The following RARB variants were observed in gnomAD, a reference collection of about 807,000 sequenced individuals.
The protein encoded by RARB is retinoic acid receptor beta, also known as HBV-activated protein.
Under a neutral mutation model 51.9 loss-of-function variants are expected in RARB, and 17 were observed. That is an observed-to-expected ratio of 0.33 (90% CI 0.22 to 0.49). The LOEUF (loss-of-function observed/expected upper bound fraction) is 0.49. RARB is among the 20% of genes least tolerant of loss of function. The pLI, the probability that RARB is intolerant of heterozygous loss-of-function variation, is 0.99. For missense variants in RARB, 369 were observed against 550.8 expected, an observed-to-expected ratio of 0.67 and a Z score of 3.30; for synonymous variants, 215 against 195.4, an observed-to-expected ratio of 1.10 and a Z score of -0.84.
At chr3:25,562,415 T>TG (rs1168581881) in intron 3 of RARB, among the ~76,000 whole-genome samples, 1 of 152,170 alleles carries the variant, frequency 6.6e-6, no homozygotes, top group Non-Finnish European at 1.5e-5. Context: ...TTATTCATAT[T>TG]GGGTAGCTCT....
At chr3:25,450,465 C>G (rs1357985191) in intron 1 of RARB, among the ~76,000 whole-genome samples, 3 of 152,134 alleles carry the variant, frequency 2.0e-5, no homozygotes, top group Non-Finnish European at 2.9e-5. Context: ...GAACTGAGCT[C>G]ATACCATCTG....
intron 5 of RARB, among the ~76,000 whole-genome samples, chr3:25,337,754 T>C (rs1316584301): frequency 3.3e-5 from 5 of 152,156 alleles, no homozygotes; most frequent in Non-Finnish European, 5.9e-5. Flanking sequence ...GCAGCACTAT[T>C]ACCTGAAATT....
intron 5 of RARB, among the ~76,000 whole-genome samples, chr3:25,375,287 G>C (rs1706425948): frequency 6.6e-6 from 1 of 152,144 alleles, no homozygotes; most frequent in South Asian, 2.1e-4. Context: ...CTACCACCCT[G>C]TCACTAGGGC....
At chr3:24,855,611 G>A (rs1702620427) in intron 1 of RARB, among the ~76,000 whole-genome samples, 1 of 152,016 alleles carries the variant, frequency 6.6e-6, no homozygotes, top group Non-Finnish European at 1.5e-5. Flanking sequence ...CCAGCACTTA[G>A]CACATTACAT....
intron 2 of RARB, among the ~76,000 whole-genome samples, chr3:24,941,094 T>C (rs1232798079): frequency 1.3e-5 from 2 of 152,130 alleles, no homozygotes; most frequent in African/African-American, 4.8e-5. Flanking sequence ...GCTGATACTT[T>C]AATTTAGAAT....
intron 5 of RARB, among the ~76,000 whole-genome samples, chr3:25,322,632 T>A (rs1228333098): frequency 6.6e-6 from 1 of 152,224 alleles, no homozygotes; most frequent in African/African-American, 2.4e-5. Flanking sequence ...TTTATAATCA[T>A]ATTTTTATAA....
intron 3 of RARB, among the ~76,000 whole-genome samples, chr3:25,125,554 G>A (rs1553635274): frequency 6.6e-6 from 1 of 152,158 alleles, no homozygotes; most frequent in Non-Finnish European, 1.5e-5. Flanking sequence ...TGAGGAGGAG[G>A]CATTTAAACA....
rs1385797393 is a variant in RARB at position 25,339,596 on chromosome 3, T to A, written c.179-121597T>A. Among the ~76,000 whole-genome samples, 10 of 150,772 alleles carry A rather than the reference T, an allele frequency of 6.6e-5. No homozygotes were observed. The South Asian group carries it at 1.3e-3, about 19-fold the overall frequency. ...TTCAGCTGAAGTTTTTTTTTTTTTT[T>A]AATCACACTGTTTGCCTAATTTGAG... On this transcript the variant is annotated intron_variant, in intron 5 of 11. Coordinates refer to the RARB transcript ENST00000383772.
chr3:25,004,106 A>G (rs886689626), intron 2 of RARB, among the ~76,000 whole-genome samples: 1 of 151,984 alleles, frequency 6.6e-6, no homozygotes, highest in Non-Finnish European at 1.5e-5. Context: ...AGTTTTCTCT[A>G]CCCTATTGTG....
intron 1 of RARB, among the ~76,000 whole-genome samples, chr3:25,459,694 A>G (rs77158814): frequency 0.041 from 6,288 of 152,278 alleles, 204 homozygotes; most frequent in East Asian, 0.15. Context: ...TTTAGTGGGT[A>G]GAGTTGACCT....
At chr3:25,324,442 G>C (rs564510558) in intron 5 of RARB, 1 of 157,686 alleles carries the variant, frequency 6.3e-6, no homozygotes, top group East Asian at 1.9e-4. Context: ...AGACAAAGGA[G>C]AGCAAGGAGG....
At chr3:25,406,866 T>A (rs1220890097) in intron 5 of RARB, among the ~76,000 whole-genome samples, 1 of 152,148 alleles carries the variant, frequency 6.6e-6, no homozygotes, top group Non-Finnish European at 1.5e-5. Context: ...GTGAAAAAAA[T>A]TGAGCTCATC....
chr3:25,295,477 GA>G (rs1195024572), intron 5 of RARB, among the ~76,000 whole-genome samples: 2 of 152,144 alleles, frequency 1.3e-5, no homozygotes, highest in African/African-American at 4.8e-5. Flanking sequence ...CCACGACTGT[GA>G]GCAATAATTT....
chr3:25,409,188 A>G (rs541455900), intron 5 of RARB, among the ~76,000 whole-genome samples: 51 of 152,292 alleles, frequency 3.3e-4, no homozygotes, highest in African/African-American at 1.2e-3. Flanking sequence ...GTTCCTTAAT[A>G]CCAGAGAAAA....
chr3:24,852,852 A>G (rs1250975734), intron 1 of RARB, among the ~76,000 whole-genome samples: 1 of 152,170 alleles, frequency 6.6e-6, no homozygotes, highest in Non-Finnish European at 1.5e-5. Flanking sequence ...GTGGGTAACT[A>G]CAAATTGGCC....
At chr3:25,178,978 T>G (rs1050580365) in intron 5 of RARB, among the ~76,000 whole-genome samples, 4 of 152,200 alleles carry the variant, frequency 2.6e-5, no homozygotes, top group Non-Finnish European at 4.4e-5. Flanking sequence ...TGTTTTGGCT[T>G]CAGAATCTCT....
intron 2 of RARB, among the ~76,000 whole-genome samples, chr3:24,879,224 T>C (rs1414195139): frequency 6.6e-6 from 1 of 151,928 alleles, no homozygotes; most frequent in Non-Finnish European, 1.5e-5. Flanking sequence ...GGTCAGGAGA[T>C]TGAGACCATC....
intron 1 of RARB, among the ~76,000 whole-genome samples, chr3:24,857,376 G>T (rs769921148): frequency 1.3e-5 from 2 of 152,116 alleles, no homozygotes; most frequent in Non-Finnish European, 1.5e-5. Flanking sequence ...GAAACATTTT[G>T]AATTAAAGAT....
chr3:25,160,552 G>T (rs1700457939), intron 4 of RARB, among the ~76,000 whole-genome samples: 1 of 152,086 alleles, frequency 6.6e-6, no homozygotes, highest in Admixed American at 6.6e-5. Context: ...CAAAAAACCT[G>T]GCTACTGAAT....
Sources: allele counts gnomAD v4.1 joint callset (sites outside exome capture counted in the v4.1 genomes callset), GRCh38; gene constraint gnomAD v4.1.1; transcripts MANE v1.5; gene names NCBI Gene and HGNC (gene_info 2026-07-23, HGNC 2026-07-21).